The following PLCG2 variants were observed in gnomAD, a reference collection of about 807,000 sequenced individuals.
PLCG2 encodes phospholipase C gamma 2.
Under a neutral mutation model 175.6 loss-of-function variants are expected in PLCG2, and 69 were observed. The observed-to-expected ratio is 0.39, with a 90% CI of 0.32 to 0.48. The LOEUF is 0.48. PLCG2 is among the 20% of genes least tolerant of loss of function. The pLI is 0.91. For synonymous variants in PLCG2, 827 were observed against 624.0 expected (o/e 1.33, Z -4.85); for missense variants, 1,798 against 1,650.9 (o/e 1.09, Z -1.54).
intron 30 of PLCG2, among the ~76,000 whole-genome samples, chr16:81,945,309 T>C (rs143010428): frequency 1.9e-3 from 286 of 152,342 alleles, no homozygotes; most frequent in African/African-American, 6.5e-3. Flanking sequence ...GTAGATATGA[T>C]ATAAATGCTT....
In PLCG2 at chr16:81,923,682, A is replaced by AC. The variant is rs934637196; in HGVS notation, c.2417+93dup. The AC allele has an allele frequency of 6.7e-6, 5 of 749,616 alleles. No individual in the cohort carries two copies. The East Asian group carries it at 8.0e-5, about 12-fold the overall frequency. The allele number at this position is 749,616 out of a possible 1,614,324, so 46.4% of individuals were successfully genotyped here. ...AAGACTCAGGTGCTGGCCAAGTCTG[A>AC]CCCCCTTTGTCATCCTGGGCTGGCT... On this transcript the variant is annotated intron_variant, in intron 22 of 32. Transcript: ENST00000564138.
At chr16:81,846,055 GC>G (rs1314000442) in intron 2 of PLCG2, among the ~76,000 whole-genome samples, 10 of 152,192 alleles carry the variant, frequency 6.6e-5, no homozygotes, top group Admixed American at 4.6e-4. Context: ...ATGCTGTTGT[GC>G]CCCACTCAGC....
At chr16:81,749,925 G>A (rs936011471) in intron 1 of PLCG2, among the ~76,000 whole-genome samples, 2 of 152,066 alleles carry the variant, frequency 1.3e-5, no homozygotes, top group African/African-American at 2.4e-5. Flanking sequence ...ATCCATCTAC[G>A]CGGCGGAATG....
intron 2 of PLCG2, among the ~76,000 whole-genome samples, chr16:81,833,628 C>G (rs556417666): frequency 2.2e-4 from 33 of 151,236 alleles, no homozygotes; most frequent in African/African-American, 7.8e-4. Flanking sequence ...CTCCTAGGAT[C>G]AAGAAATGCT....
intron 13 of PLCG2, among the ~76,000 whole-genome samples, chr16:81,896,650 C>G (rs375574135): frequency 2.6e-5 from 4 of 152,256 alleles, no homozygotes; most frequent in South Asian, 4.2e-4. Flanking sequence ...CCCTTCTGTC[C>G]TAATTCCCTC....
At chr16:81,927,294 G>A (rs1378855634) in intron 23 of PLCG2, 116 bp downstream of exon 23, 1 of 720,652 alleles carries the variant, frequency 1.4e-6, no homozygotes, top group African/African-American at 1.7e-5. Context: ...TGGTCTCTGT[G>A]GAGCTCTGGA....
chr16:81,884,140 C>A (rs1438732390), intron 9 of PLCG2, among the ~76,000 whole-genome samples: 1 of 152,214 alleles, frequency 6.6e-6, no homozygotes, highest in African/African-American at 2.4e-5. Context: ...CACTTGAAGC[C>A]AGGAGTTCGA....
rs971955840 is a variant in PLCG2, at chr16:81,961,047, C to G, written c.*3049C>G. The G allele has an allele frequency of 8.6e-6, 2 of 231,350 alleles. No individual in the cohort carries two copies. Among genetic ancestry groups the G allele is most frequent in the Admixed American group, 5.6e-5 (1 of 17,706 alleles). The allele number at this position is 231,350 out of a possible 1,614,324, so 14.3% of individuals were successfully genotyped here. On this transcript the variant is annotated 3_prime_UTR_variant, in exon 33 of 33. Transcript: ENST00000564138. ...ATTTGGAAAGTGAAAGACTTATCAA[C>G]AGGGCACAAATCTTTTTGCAAATGG...
chr16:81,956,371 G>T (rs1911568302), intron 31 of PLCG2, among the ~76,000 whole-genome samples: 1 of 152,042 alleles, frequency 6.6e-6, no homozygotes, highest in Admixed American at 6.6e-5. Context: ...TCAGGTAAAG[G>T]CCAGAAGGTG....
At chr16:81,764,074 C>A (rs1232895596) in intron 2 of PLCG2, among the ~76,000 whole-genome samples, 1 of 152,042 alleles carries the variant, frequency 6.6e-6, no homozygotes, top group Non-Finnish European at 1.5e-5. Context: ...AGGAGGATTG[C>A]TTAAGCCCAG....
intron 31 of PLCG2, among the ~76,000 whole-genome samples, chr16:81,953,653 C>T (rs554960283): frequency 7.9e-5 from 12 of 152,254 alleles, no homozygotes; most frequent in Admixed American, 3.9e-4. Context: ...AAATAAGTAT[C>T]ACAAAATGCT....
chr16:81,921,618 T>C, intron 21 of PLCG2: 1 of 362,286 alleles, frequency 2.8e-6, no homozygotes, highest in Non-Finnish European at 5.3e-6. Flanking sequence ...CTGACCTCCT[T>C]GCAGTGCAAA....
Position 81,907,476 on chromosome 16 carries a change from A to G in PLCG2, c.1468-209A>G, listed in dbSNP as rs549558557. 3.3e-5 allele frequency among the ~76,000 whole-genome samples: 5 copies of G among 152,256 alleles called. No homozygotes were observed. The South Asian group carries it at 6.2e-4, about 19-fold the overall frequency. On this transcript the variant is annotated intron_variant, in intron 15 of 32. Transcript: ENST00000564138. ...TCTAAAAAGTCCAAAAAGAAGCTCA[A>G]ATACCAAAAGAAGCTCAAAATGCAT...
chr16:81,829,464 C>A (rs1345729616), intron 2 of PLCG2, among the ~76,000 whole-genome samples: 1 of 152,234 alleles, frequency 6.6e-6, no homozygotes, highest in African/African-American at 2.4e-5. Flanking sequence ...GTGATCCACC[C>A]TCCTTGGCCT....
At chr16:81,942,918 A>AT (rs71146055) in intron 30 of PLCG2, among the ~76,000 whole-genome samples, 13,702 of 147,944 alleles carry the variant, frequency 0.093, 716 homozygotes, top group Admixed American at 0.15. Context: ...AAAAACAATT[A>AT]TTTTTTTTTT....
chr16:81,873,605 TCAGA>T (rs1256558658), intron 7 of PLCG2, among the ~76,000 whole-genome samples: 1 of 152,132 alleles, frequency 6.6e-6, no homozygotes, highest in African/African-American at 2.4e-5. Context: ...TGCTGTGTTG[TCAGA>T]CAGATGTCAG....
At chr16:81,946,574 A>C (rs116185162) in intron 31 of PLCG2, among the ~76,000 whole-genome samples, 2,411 of 152,134 alleles carry the variant, frequency 0.016, 62 homozygotes, top group African/African-American at 0.055. Flanking sequence ...CTTCCTAGAT[A>C]GACTCATCCT....
chr16:81,831,304 C>G (rs1189734102), intron 2 of PLCG2, among the ~76,000 whole-genome samples: 1 of 152,218 alleles, frequency 6.6e-6, no homozygotes, highest in Non-Finnish European at 1.5e-5. Flanking sequence ...CAGTGCCTGG[C>G]ACGCTGGCTT....
At chr16:81,909,286 TG>T (rs980959344) in intron 17 of PLCG2, among the ~76,000 whole-genome samples, 1 of 152,068 alleles carries the variant, frequency 6.6e-6, no homozygotes, top group African/African-American at 2.4e-5. Flanking sequence ...CTCCCTTTAT[TG>T]GGGGGGTTTA....
Sources: allele counts gnomAD v4.1 joint callset (sites outside exome capture counted in the v4.1 genomes callset), GRCh38; gene constraint gnomAD v4.1.1; transcripts MANE v1.5; gene names NCBI Gene and HGNC (gene_info 2026-07-23, HGNC 2026-07-21).